Variants in LHFPL3 observed in about 807,000 individuals in gnomAD.
The protein encoded by LHFPL3 is LHFPL tetraspan subfamily member 3 protein.
A neutral mutation model predicts 19.3 loss-of-function variants in LHFPL3; 5 were observed. That is an observed-to-expected ratio of 0.26 (90% confidence interval 0.14 to 0.54). The LOEUF is 0.54. Ranked by LOEUF, LHFPL3 falls within the 20% of genes least tolerant of loss-of-function variation. The pLI, the probability that LHFPL3 is intolerant of heterozygous loss-of-function variation, is 0.94. For synonymous variants in LHFPL3, 133 were observed against 126.2 expected (o/e 1.05, Z -0.36); for missense variants, 249 against 307.4 (o/e 0.81, Z 1.42).
chr7:104,460,602 A>G (rs754816003), intron 1 of LHFPL3, among the ~76,000 whole-genome samples: 2 of 152,048 alleles, frequency 1.3e-5, no homozygotes, highest in Non-Finnish European at 2.9e-5. Flanking sequence ...ATAATCAGTG[A>G]TATTGAGGTT....
At chr7:104,617,861 T>C (rs1009268513) in intron 1 of LHFPL3, among the ~76,000 whole-genome samples, 1 of 152,208 alleles carries the variant, frequency 6.6e-6, no homozygotes, top group African/African-American at 2.4e-5. Context: ...ATATACGCTA[T>C]ATAAAGTATA....
At chr7:104,855,250 G>A (rs947953820) in intron 2 of LHFPL3, among the ~76,000 whole-genome samples, 2 of 152,168 alleles carry the variant, frequency 1.3e-5, no homozygotes, top group Non-Finnish European at 2.9e-5. Context: ...TAAGTGTGGA[G>A]CCCAGACTGG....
At chr7:104,563,052 G>T (rs1209576275) in intron 1 of LHFPL3, among the ~76,000 whole-genome samples, 1 of 152,166 alleles carries the variant, frequency 6.6e-6, no homozygotes, top group East Asian at 1.9e-4. Context: ...CAGATCTCCA[G>T]CTGCGTGCTG....
At chr7:104,767,325 A>C (rs1794471728) in intron 2 of LHFPL3, among the ~76,000 whole-genome samples, 1 of 152,210 alleles carries the variant, frequency 6.6e-6, no homozygotes, top group Non-Finnish European at 1.5e-5. Context: ...ATGCTAGAGG[A>C]TCTGCAAACC....
intron 1 of LHFPL3, among the ~76,000 whole-genome samples, chr7:104,379,111 T>C (rs1032306516): frequency 1.3e-5 from 2 of 152,172 alleles, no homozygotes; most frequent in African/African-American, 4.8e-5. Context: ...CACAGAAGTT[T>C]TGAAAGAAAT....
chr7:104,544,767 G>T (rs373639256), intron 1 of LHFPL3, among the ~76,000 whole-genome samples: 1 of 152,124 alleles, frequency 6.6e-6, no homozygotes, highest in African/African-American at 2.4e-5. Flanking sequence ...TGATTTGGGG[G>T]AAAAGGGGAA....
intron 1 of LHFPL3, among the ~76,000 whole-genome samples, chr7:104,518,896 T>C (rs1313341529): frequency 2.0e-5 from 3 of 152,172 alleles, no homozygotes; most frequent in African/African-American, 7.2e-5. Context: ...AATATTTACA[T>C]ACTTCCTTTG....
intron 1 of LHFPL3, among the ~76,000 whole-genome samples, chr7:104,596,157 C>T (rs1211700088): frequency 6.6e-6 from 1 of 152,248 alleles, no homozygotes; most frequent in Non-Finnish European, 1.5e-5. Context: ...ACACTGGGAG[C>T]TACAGACTGG....
chr7:104,359,548 T>C (rs17137016), intron 1 of LHFPL3, among the ~76,000 whole-genome samples: 38,523 of 152,130 alleles, frequency 0.25, 5,471 homozygotes, highest in East Asian at 0.39. Context: ...ACTTAGCCAA[T>C]TCATATATCT....
chr7:104,835,602 G>A (rs1791076361), intron 2 of LHFPL3, among the ~76,000 whole-genome samples: 1 of 145,982 alleles, frequency 6.9e-6, no homozygotes, highest in African/African-American at 2.5e-5. Flanking sequence ...TTTTTGAGAT[G>A]AAGACATTTG....
chr7:104,711,028 A>G (rs948312250), intron 1 of LHFPL3, among the ~76,000 whole-genome samples: 1 of 152,238 alleles, frequency 6.6e-6, no homozygotes, highest in African/African-American at 2.4e-5. Flanking sequence ...ATAGGTTTAG[A>G]GCTATGAAGT....
intron 1 of LHFPL3, among the ~76,000 whole-genome samples, chr7:104,440,784 T>G (rs1792210683): frequency 6.6e-6 from 1 of 152,224 alleles, no homozygotes; most frequent in Admixed American, 6.5e-5. Context: ...TATTTGCATG[T>G]ACTAATATCT....
At chr7:104,335,901 A>G (rs1330885140) in intron 1 of LHFPL3, among the ~76,000 whole-genome samples, 1 of 151,438 alleles carries the variant, frequency 6.6e-6, no homozygotes, top group Non-Finnish European at 1.5e-5. Context: ...CTAGAGTTCC[A>G]GTATGTGGCT....
chr7:104,555,915 G>A (rs1794755244), intron 1 of LHFPL3, among the ~76,000 whole-genome samples: 4 of 152,128 alleles, frequency 2.6e-5, no homozygotes, highest in Admixed American at 2.6e-4. Context: ...CAAAACAAAG[G>A]GGCTACAGGC....
intron 1 of LHFPL3, among the ~76,000 whole-genome samples, chr7:104,575,559 T>TTAAAAAAA (rs753575774): frequency 2.8e-5 from 1 of 36,148 alleles, no homozygotes; most frequent in Non-Finnish European, 6.1e-5. Context: ...CAAAGAGATC[T>TTAAAAAAA]AAAAAAAAAA....
At chr7:104,669,698 C>G in intron 1 of LHFPL3, 1 of 1,149,106 alleles carries the variant, frequency 8.7e-7, no homozygotes, top group Admixed American at 2.6e-5. Context: ...CCTTTCTTAC[C>G]TTTTTTTTAA....
At chr7:104,586,616 A>T (rs528989167) in intron 1 of LHFPL3, among the ~76,000 whole-genome samples, 6 of 152,168 alleles carry the variant, frequency 3.9e-5, no homozygotes, top group African/African-American at 1.4e-4. Context: ...TTAAAAAATA[A>T]ATTGACTTTA....
chr7:104,863,810 T>G (rs752992726), intron 2 of LHFPL3, among the ~76,000 whole-genome samples: 1 of 152,214 alleles, frequency 6.6e-6, no homozygotes, highest in Admixed American at 6.5e-5. Flanking sequence ...TCTGTGATGC[T>G]CCTCACTCCA....
At chr7:104,567,163 A>G (rs545056517) in intron 1 of LHFPL3, among the ~76,000 whole-genome samples, 2 of 152,244 alleles carry the variant, frequency 1.3e-5, no homozygotes, top group Non-Finnish European at 2.9e-5. Context: ...AGAGTTTCCA[A>G]TGTGATTCCT....
Sources: allele counts gnomAD v4.1 joint callset (sites outside exome capture counted in the v4.1 genomes callset), GRCh38; gene constraint gnomAD v4.1.1; transcripts MANE v1.5; gene names NCBI Gene and HGNC (gene_info 2026-07-23, HGNC 2026-07-21).